Variants in FHL2 observed in about 807,000 individuals in gnomAD.
The protein encoded by FHL2 is four and a half LIM domains protein 2.
A neutral mutation model predicts 32.7 loss-of-function variants in FHL2; 20 were observed. That is an observed-to-expected ratio of 0.61 (90% CI 0.43 to 0.89). FHL2 has a LOEUF of 0.89. FHL2 is among the 40% of genes least tolerant of loss of function. FHL2 has a pLI of 0.00. For synonymous variants in FHL2, 123 were observed against 128.1 expected (o/e 0.96, Z 0.27); for missense variants, 311 against 358.6 (o/e 0.87, Z 1.07).
At chr2:105,380,521 G>A (rs552379075) in intron 3 of FHL2, among the ~76,000 whole-genome samples, 76 of 152,250 alleles carry the variant, frequency 5.0e-4, no homozygotes, top group Middle Eastern at 3.4e-3. Flanking sequence ...GAGCCACCAC[G>A]CCCGGCTCAA....
intron 1 of FHL2, among the ~76,000 whole-genome samples, chr2:105,410,401 A>T (rs188077736): frequency 4.6e-5 from 7 of 152,238 alleles, no homozygotes; most frequent in African/African-American, 1.7e-4. Context: ...TGACCATTCT[A>T]TTGGCAGTTG....
intron 1 of FHL2, among the ~76,000 whole-genome samples, chr2:105,417,024 A>C (rs1683954580): frequency 6.6e-6 from 1 of 152,210 alleles, no homozygotes; most frequent in African/African-American, 2.4e-5. Context: ...CAAGACAGTC[A>C]CAGTTCTTTG....
intron 1 of FHL2, among the ~76,000 whole-genome samples, chr2:105,409,294 A>G (rs1683725489): frequency 6.6e-6 from 1 of 152,212 alleles, no homozygotes. Context: ...ATGTGCAAAC[A>G]AGGGCGCTGG....
chr2:105,396,555 G>T, intron 2 of FHL2, 92 bp downstream of exon 2: 3 of 1,150,474 alleles, frequency 2.6e-6, no homozygotes, highest in Non-Finnish European at 3.9e-6. Flanking sequence ...GCACCGCATG[G>T]CCCAGTCAAG....
intron 2 of FHL2, among the ~76,000 whole-genome samples, chr2:105,395,993 A>G (rs937499710): frequency 6.6e-6 from 1 of 152,174 alleles, no homozygotes; most frequent in Non-Finnish European, 1.5e-5. Flanking sequence ...CCATGCAGAG[A>G]GCATGTTTTA....
chr2:105,435,057 C>G (rs964437742), intron 1 of FHL2, among the ~76,000 whole-genome samples: 3 of 152,034 alleles, frequency 2.0e-5, no homozygotes, highest in African/African-American at 7.2e-5. Flanking sequence ...ACATTACTAC[C>G]AATCTTATCC....
At chr2:105,409,075 A>G (rs945524778) in intron 1 of FHL2, among the ~76,000 whole-genome samples, 4 of 152,076 alleles carry the variant, frequency 2.6e-5, no homozygotes, top group African/African-American at 9.7e-5. Flanking sequence ...AAAGAAGGAG[A>G]AAGCCTTCAT....
At chr2:105,364,483 T>G (rs769594560) in intron 5 of FHL2, among the ~76,000 whole-genome samples, 53 of 152,204 alleles carry the variant, frequency 3.5e-4, no homozygotes, top group Non-Finnish European at 6.6e-4. Context: ...TTAGAACATC[T>G]GTGAGGTGAA....
At chr2:105,382,547 A>AG (rs1458411060) in intron 3 of FHL2, among the ~76,000 whole-genome samples, 1 of 152,220 alleles carries the variant, frequency 6.6e-6, no homozygotes. Context: ...ATAGGGTGTT[A>AG]GGAGAAATTT....
chr2:105,424,284 C>T (rs557806154), intron 1 of FHL2, among the ~76,000 whole-genome samples: 1 of 152,212 alleles, frequency 6.6e-6, no homozygotes, highest in East Asian at 1.9e-4. Flanking sequence ...AAATGCTCAT[C>T]ATCACTGGCC....
At chr2:105,401,914 A>T (rs903538738), upstream of FHL2, among the ~76,000 whole-genome samples, 19 of 151,822 alleles carry the variant, frequency 1.3e-4, no homozygotes, top group African/African-American at 4.4e-4. Context: ...TGGAAAGGAG[A>T]TTAATTTTTA....
At chr2:105,416,440 T>C (rs763103654) in intron 1 of FHL2, among the ~76,000 whole-genome samples, 5 of 152,240 alleles carry the variant, frequency 3.3e-5, no homozygotes, top group Non-Finnish European at 5.9e-5. Context: ...AGAAATATCT[T>C]GATAGCCATC....
rs1681692113 is a variant in FHL2, at chr2:105,379,059, G to T, written c.157-5326C>A. On this transcript the variant is annotated intron_variant, in intron 3 of 6. Coordinates refer to ENST00000530340, the MANE Select transcript of FHL2 (RefSeq NM_001318895.3). Reference sequence around the variant, plus strand: ...GATCCCAGGAGCACGTGATTAAATTGCTTGGTTATTTCACCCTAGGGGTTC... The same window carrying T: ...GATCCCAGGAGCACGTGATTAAATTTCTTGGTTATTTCACCCTAGGGGTTC... 2.0e-5 allele frequency among the ~76,000 whole-genome samples: 3 copies of T among 152,268 alleles called. No homozygotes were observed. The South Asian group carries it at 6.2e-4, about 32-fold the overall frequency.
At chr2:105,433,176 CTT>C (rs1558736992) in intron 1 of FHL2, among the ~76,000 whole-genome samples, 1 of 150,166 alleles carries the variant, frequency 6.7e-6, no homozygotes, top group African/African-American at 2.5e-5. Flanking sequence ...CATTCTTCTT[CTT>C]CTTCTTTTTT....
At chr2:105,384,723 G>C (rs1038527652) in intron 3 of FHL2, among the ~76,000 whole-genome samples, 17 of 152,204 alleles carry the variant, frequency 1.1e-4, no homozygotes, top group Admixed American at 3.9e-4. Context: ...GGCCAGGCTG[G>C]TCTCGAACTC....
downstream of FHL2, chr2:105,358,229 A>C (rs1472323399): frequency 6.6e-6 from 1 of 152,238 alleles, no homozygotes; most frequent in Non-Finnish European, 1.5e-5. Flanking sequence ...TCCGTACCAA[A>C]TACCAGTCCC....
chr2:105,373,535 C>T (rs1308119723), intron 4 of FHL2, 24 bp downstream of exon 4: 1 of 1,613,954 alleles, frequency 6.2e-7, no homozygotes, highest in Non-Finnish European at 8.5e-7. Context: ...CTGGCTCACG[C>T]ATGAGAAAGG....
At chr2:105,427,814 T>A (rs1684309798) in intron 1 of FHL2, among the ~76,000 whole-genome samples, 2 of 152,102 alleles carry the variant, frequency 1.3e-5, no homozygotes, top group Admixed American at 1.3e-4. Context: ...AGGGACCCCC[T>A]CTGACAGGGC....
chr2:105,389,409 CAT>C (rs1382971600), intron 2 of FHL2, among the ~76,000 whole-genome samples: 3 of 152,274 alleles, frequency 2.0e-5, no homozygotes, highest in East Asian at 3.9e-4. Flanking sequence ...GTTTTTCCAA[CAT>C]ATATGTTTTT....
Sources: gnomAD v4.1 joint callset for allele counts (sites outside exome capture counted in the v4.1 genomes callset) on GRCh38, gnomAD v4.1.1 for gene constraint, MANE v1.5 for transcripts, NCBI Gene and HGNC (gene_info 2026-07-23, HGNC 2026-07-21) for gene names.